The following RHBDL2 variants were observed in gnomAD, a reference collection of about 807,000 sequenced individuals.
RHBDL2 encodes rhomboid-related protein 2.
A neutral mutation model predicts 31.7 loss-of-function variants in RHBDL2; 26 were observed. The ratio of observed to expected loss-of-function variants is 0.82; its 90% confidence interval spans 0.60 to 1.14. The LOEUF is 1.14. Ranked by LOEUF, RHBDL2 falls within the 50% of genes most tolerant of loss-of-function variation. The probability of loss-of-function intolerance (pLI) is 0.00; values close to 1 mark genes in which losing one functional copy is unlikely to be tolerated. For synonymous variants in RHBDL2, 123 were observed against 127.2 expected, an observed-to-expected ratio of 0.97 and a Z score of 0.22; for missense variants, 336 against 364.4, an observed-to-expected ratio of 0.92 and a Z score of 0.63.
At chr1:38,901,916 T>C (rs1259942328) in intron 4 of RHBDL2, among the ~76,000 whole-genome samples, 1 of 151,522 alleles carries the variant, frequency 6.6e-6, no homozygotes, top group Non-Finnish European at 1.5e-5. Flanking sequence ...AAATGCATTA[T>C]TATAATCAGA....
intron 2 of RHBDL2, among the ~76,000 whole-genome samples, chr1:38,916,454 G>A (rs1328842326): frequency 1.3e-5 from 2 of 152,130 alleles, no homozygotes; most frequent in African/African-American, 4.8e-5. Context: ...GGTACCAGAG[G>A]AACAGAAAGA....
Position 38,886,401 on chromosome 1 carries a change from G to T in RHBDL2, c.*103C>A. The T allele has an allele frequency of 1.2e-6, 1 of 866,852 alleles. No homozygotes were observed. The highest frequency in any genetic ancestry group is 1.7e-6 in the Non-Finnish European group (1 of 597,292). 53.7% of individuals were successfully genotyped at this position (866,852 alleles called of 1,614,324 possible). ...GCTGTTTTGTCCTCTATATAAAATT[G>T]TTAGCCTTTTCTGAGACTTCTCTGT... On this transcript the variant is annotated 3_prime_UTR_variant, in exon 8 of 8. Transcript: ENST00000372990.
At chr1:38,903,437 G>A (rs1643021139) in intron 4 of RHBDL2, among the ~76,000 whole-genome samples, 1 of 152,048 alleles carries the variant, frequency 6.6e-6, no homozygotes, top group African/African-American at 2.4e-5. Context: ...ACCACCCCCG[G>A]CCGAGAAATA....
intron 6 of RHBDL2, among the ~76,000 whole-genome samples, chr1:38,890,066 C>T (rs1315262525): frequency 2.0e-5 from 3 of 149,258 alleles, no homozygotes; most frequent in Non-Finnish European, 3.0e-5. Flanking sequence ...AAGACGCAGT[C>T]TCACTCTGTC....
rs141737623 is a variant in RHBDL2 at position 38,936,370 on chromosome 1, A to G, written c.-126+5312T>C. Among the ~76,000 whole-genome samples, 251 of 152,016 alleles carry G rather than the reference A, an allele frequency of 1.7e-3. 1 individual carries two copies. Among genetic ancestry groups the G allele is most frequent in the African/African-American group, 5.8e-3 (240 of 41,476 alleles). On this transcript the variant is annotated intron_variant, in intron 1 of 7. Transcript: ENST00000372990. ...GTTGCCCAGGCTGGAATGCAGTGGC[A>G]TGACCTTGGCTCACTCCAACCTCTG...
chr1:38,932,250 A>G (rs1003140983), intron 1 of RHBDL2, among the ~76,000 whole-genome samples: 1 of 152,024 alleles, frequency 6.6e-6, no homozygotes, highest in African/African-American at 2.4e-5. Context: ...AAAAAAGAAA[A>G]AGTCATGTGA....
At chr1:38,907,501 T>C (rs1302645655) in intron 4 of RHBDL2, among the ~76,000 whole-genome samples, 2 of 151,970 alleles carry the variant, frequency 1.3e-5, no homozygotes, top group South Asian at 2.1e-4. Context: ...GATCGCGCCA[T>C]CGCACTTCAG....
intron 4 of RHBDL2, among the ~76,000 whole-genome samples, chr1:38,909,481 C>T (rs974123656): frequency 6.6e-6 from 1 of 152,004 alleles, no homozygotes; most frequent in Non-Finnish European, 1.5e-5. Context: ...TTTAAAAATT[C>T]ACCTGTAATC....
At chr1:38,916,709 AC>A (rs1274411336) in intron 2 of RHBDL2, among the ~76,000 whole-genome samples, 38 of 120,538 alleles carry the variant, frequency 3.2e-4, no homozygotes, top group East Asian at 1.1e-3. Flanking sequence ...AAACAAACAA[AC>A]AAAAAAAAAA....
intron 1 of RHBDL2, chr1:38,926,080 G>A (rs1018652381): frequency 3.7e-5 from 46 of 1,236,008 alleles, no homozygotes; most frequent in Middle Eastern, 4.4e-4. Context: ...AGCAGGAAAC[G>A]GATCCCACTA....
intron 5 of RHBDL2, among the ~76,000 whole-genome samples, chr1:38,895,134 TG>T (rs1642901774): frequency 6.6e-6 from 1 of 152,146 alleles, no homozygotes; most frequent in Non-Finnish European, 1.5e-5. Flanking sequence ...AGCTCTAAGC[TG>T]GGAGGATTTC....
At position 38,919,223 on chromosome 1, in the gene RHBDL2, C is replaced by T; in HGVS notation, c.-11G>A. ...ATGAACAGCAGCCATTGTCCTGGGT[C>T]CTCCCTCCTCCCCAGAAGGACATGA... On this transcript the variant is annotated 5_prime_UTR_variant, in exon 2 of 8. Coordinates refer to ENST00000372990, the MANE Select transcript of RHBDL2 (RefSeq NM_017821.5). The T allele has an allele frequency of 6.2e-7, 1 of 1,614,110 alleles. No individual in the cohort carries two copies. Among genetic ancestry groups the T allele is most frequent in the Non-Finnish European group, 8.5e-7 (1 of 1,180,044 alleles).
chr1:38,920,041 C>T (rs562781041), intron 1 of RHBDL2, among the ~76,000 whole-genome samples: 6 of 152,196 alleles, frequency 3.9e-5, no homozygotes, highest in African/African-American at 7.2e-5. Context: ...TCCCTGGCAA[C>T]GACTAATCTG....
At chr1:38,928,636 G>A (rs1384468360) in intron 1 of RHBDL2, among the ~76,000 whole-genome samples, 1 of 150,686 alleles carries the variant, frequency 6.6e-6, no homozygotes, top group Non-Finnish European at 1.5e-5. Context: ...AGTAGAGATG[G>A]GGTTTCTCCA....
chr1:38,900,710 A>AGT (rs1042920751), intron 4 of RHBDL2, among the ~76,000 whole-genome samples: 3 of 152,120 alleles, frequency 2.0e-5, no homozygotes, highest in Non-Finnish European at 4.4e-5. Flanking sequence ...TGGATGACAG[A>AGT]GTGAGACTCT....
intron 3 of RHBDL2, among the ~76,000 whole-genome samples, chr1:38,912,910 A>ATATATATATATATGTGTG (rs1399583863): frequency 2.9e-4 from 12 of 41,372 alleles, no homozygotes; most frequent in African/African-American, 1.0e-3. Context: ...ATATATATAT[A>ATATATATATATATGTGTG]TGTGTGTGTG....
chr1:38,917,088 G>C (rs1330261212), intron 2 of RHBDL2, among the ~76,000 whole-genome samples: 1 of 141,328 alleles, frequency 7.1e-6, no homozygotes, highest in Admixed American at 7.5e-5. Context: ...CGTGATCTCA[G>C]CTCACTGCAA....
intron 4 of RHBDL2, among the ~76,000 whole-genome samples, chr1:38,905,910 A>G (rs944819052): frequency 2.0e-5 from 3 of 151,832 alleles, no homozygotes; most frequent in African/African-American, 7.3e-5. Context: ...TACTAAAAAT[A>G]CAAAAAATTA....
intron 1 of RHBDL2, among the ~76,000 whole-genome samples, chr1:38,934,519 G>T (rs9438918): frequency 0.9 from 134,736 of 150,510 alleles, 60,918 homozygotes; most frequent in African/African-American, 0.95. Context: ...TAGCCAGGAG[G>T]GGTGATGGGC....
Sources: gnomAD v4.1 joint callset for allele counts (sites outside exome capture counted in the v4.1 genomes callset) on GRCh38, gnomAD v4.1.1 for gene constraint, MANE v1.5 for transcripts, NCBI Gene and HGNC (gene_info 2026-07-23, HGNC 2026-07-21) for gene names.